Variants in CDH12 observed in about 807,000 individuals in gnomAD.
The protein encoded by CDH12 is cadherin 12.
In CDH12, 41 loss-of-function variants were observed where a neutral mutation model predicts 74.1. That is an observed-to-expected ratio of 0.55 (90% CI 0.43 to 0.72). The LOEUF is 0.72. Ranked by LOEUF, CDH12 falls within the 30% of genes least tolerant of loss-of-function variation. The pLI, the probability that CDH12 is intolerant of heterozygous loss-of-function variation, is 0.00. For synonymous variants in CDH12, 399 were observed against 355.0 expected, an observed-to-expected ratio of 1.12 and a Z score of -1.39; for missense variants, 945 against 977.2, an observed-to-expected ratio of 0.97 and a Z score of 0.44.
chr5:21,850,256 G>T (rs1750391503), intron 7 of CDH12, among the ~76,000 whole-genome samples: 1 of 151,468 alleles, frequency 6.6e-6, no homozygotes, highest in African/African-American at 2.4e-5. Context: ...GTTAATAATA[G>T]TGTATTGTAC....
intron 3 of CDH12, among the ~76,000 whole-genome samples, chr5:22,389,800 AC>A (rs1452944248): frequency 1.1e-4 from 16 of 151,266 alleles, no homozygotes; most frequent in Non-Finnish European, 1.8e-4. Flanking sequence ...GGCGCCCACC[AC>A]CACGCCCGGC....
chr5:22,241,159 T>C (rs186334673), intron 3 of CDH12, among the ~76,000 whole-genome samples: 1 of 152,154 alleles, frequency 6.6e-6, no homozygotes, highest in African/African-American at 2.4e-5. Flanking sequence ...TTTAGAAAAC[T>C]TCTGTTCTAA....
At chr5:22,831,228 A>G (rs1195755841) in intron 1 of CDH12, among the ~76,000 whole-genome samples, 1 of 152,188 alleles carries the variant, frequency 6.6e-6, no homozygotes, top group Non-Finnish European at 1.5e-5. Context: ...AGAACTCAAG[A>G]AAAGTTTTCT....
chr5:22,506,528 T>A (rs1580716254), intron 1 of CDH12, among the ~76,000 whole-genome samples: 1 of 152,266 alleles, frequency 6.6e-6, no homozygotes, highest in Non-Finnish European at 1.5e-5. Context: ...AGTCCTGGCA[T>A]GATAAGATAG....
chr5:21,967,501 T>C (rs1561334920), intron 6 of CDH12, among the ~76,000 whole-genome samples: 1 of 152,108 alleles, frequency 6.6e-6, no homozygotes, highest in Non-Finnish European at 1.5e-5. Flanking sequence ...AACCACTCTG[T>C]GGCCGAGAAG....
At chr5:21,959,504 C>T (rs1428855367) in intron 6 of CDH12, among the ~76,000 whole-genome samples, 3 of 152,052 alleles carry the variant, frequency 2.0e-5, no homozygotes, top group East Asian at 1.9e-4. Flanking sequence ...CACCCATAGG[C>T]TCAAAATAAA....
At chr5:22,577,734 TG>T (rs1456654370) in intron 1 of CDH12, among the ~76,000 whole-genome samples, 1 of 152,236 alleles carries the variant, frequency 6.6e-6, no homozygotes. Context: ...GGAAACATAC[TG>T]GATTACTGTT....
intron 1 of CDH12, among the ~76,000 whole-genome samples, chr5:22,676,050 A>C (rs1741173586): frequency 6.6e-6 from 1 of 151,566 alleles, no homozygotes; most frequent in Non-Finnish European, 1.5e-5. Context: ...TTTAAAAATA[A>C]CTATTTACAT....
chr5:22,498,292 T>C (rs529200467), intron 2 of CDH12, among the ~76,000 whole-genome samples: 6 of 152,068 alleles, frequency 3.9e-5, no homozygotes, highest in South Asian at 4.1e-4. Flanking sequence ...TTAAATATTA[T>C]ATAATTTAAT....
rs770858813 is a variant in CDH12 at position 21,854,654 on chromosome 5, T to C, written c.646+17A>G. On this transcript the variant is annotated intron_variant, in intron 7 of 14. Transcript: ENST00000382254. ...TTGAAGGGCTGGTGATAATGTTGCC[T>C]CTAATAAAAAATTTACCTGTCTTGG... The C allele has an allele frequency of 6.4e-7, 1 of 1,559,960 alleles. No homozygotes were observed.
At chr5:21,957,098 T>C (rs965422182) in intron 6 of CDH12, among the ~76,000 whole-genome samples, 3 of 152,172 alleles carry the variant, frequency 2.0e-5, no homozygotes, top group Non-Finnish European at 4.4e-5. Context: ...CGGTGTCTGC[T>C]GTTCCATTCT....
At position 22,435,496 on chromosome 5, in the gene CDH12, A is replaced by ATGTG. The variant is rs200622521; in HGVS notation, c.-427-30146_-427-30145insCACA. The stretch of plus-strand genomic sequence containing the variant: ...CACACATATATATGTATGTGTATAT[A>ATGTG]TATGTGTGTGTGTGTGTGTGTGTGT... On this transcript the variant is annotated intron_variant, in intron 2 of 14. Transcript: ENST00000382254. Among the ~76,000 whole-genome samples the ATGTG allele has an allele frequency of 2.9e-3, 191 of 66,728 alleles. No individual in the cohort carries two copies. In the South Asian group the frequency reaches 0.075, roughly 26 times the overall value. The allele number at this position is 66,728 out of a possible 152,430, so 43.8% of individuals were successfully genotyped here. A position where few individuals can be genotyped will look rare whatever the true frequency, so the allele number is the denominator to read the frequency against.
chr5:22,465,755 TCATGCACTCA>T (rs1745702111), intron 2 of CDH12, among the ~76,000 whole-genome samples: 2 of 152,154 alleles, frequency 1.3e-5, no homozygotes, highest in African/African-American at 4.8e-5. Context: ...AATGGCATGA[TCATGCACTCA>T]GTGTGTCAGG....
chr5:22,748,374 A>G (rs1330731123), intron 1 of CDH12, among the ~76,000 whole-genome samples: 1 of 152,114 alleles, frequency 6.6e-6, no homozygotes, highest in African/African-American at 2.4e-5. Flanking sequence ...CAAAATATAG[A>G]TAATACTGGC....
intron 4 of CDH12, among the ~76,000 whole-genome samples, chr5:22,140,971 T>G (rs544991903): frequency 1.3e-5 from 2 of 152,230 alleles, no homozygotes; most frequent in Non-Finnish European, 2.9e-5. Flanking sequence ...AGCTTCCTTA[T>G]GTAGGCCTTC....
At chr5:22,326,865 C>T (rs1265949229) in intron 3 of CDH12, among the ~76,000 whole-genome samples, 1 of 152,032 alleles carries the variant, frequency 6.6e-6, no homozygotes, top group Non-Finnish European at 1.5e-5. Context: ...TTCACTTATT[C>T]CAGCTATATA....
At chr5:22,396,915 T>G (rs1433067402) in intron 3 of CDH12, among the ~76,000 whole-genome samples, 1 of 152,130 alleles carries the variant, frequency 6.6e-6, no homozygotes, top group Admixed American at 6.6e-5. Flanking sequence ...CTTCAGATCC[T>G]GTTTCTTTCT....
chr5:22,187,908 A>G (rs549040337), intron 4 of CDH12, among the ~76,000 whole-genome samples: 1 of 152,302 alleles, frequency 6.6e-6, no homozygotes, highest in South Asian at 2.1e-4. Flanking sequence ...TGAAATAGAG[A>G]GAGGAAATGG....
intron 5 of CDH12, among the ~76,000 whole-genome samples, chr5:22,052,867 G>C (rs893875564): frequency 2.0e-5 from 3 of 151,928 alleles, no homozygotes; most frequent in Non-Finnish European, 4.4e-5. Context: ...AATTCCAAGA[G>C]GATTTTCAGA....
Sources: allele counts gnomAD v4.1 joint callset (sites outside exome capture counted in the v4.1 genomes callset), GRCh38; gene constraint gnomAD v4.1.1; transcripts MANE v1.5; gene names NCBI Gene and HGNC (gene_info 2026-07-23, HGNC 2026-07-21).